The following TECRL variants were observed in gnomAD, a reference collection of about 807,000 sequenced individuals.
The protein encoded by TECRL is trans-2,3-enoyl-CoA reductase like.
In TECRL, 63 loss-of-function variants were observed where a neutral mutation model predicts 52.8. That is an observed-to-expected ratio of 1.19 (90% CI 0.97 to 1.47). TECRL has a LOEUF of 1.47. Among genes scored for constraint, TECRL ranks in the 40% most tolerant of loss-of-function variants. The probability of loss-of-function intolerance (pLI) is 0.00; values close to 1 mark genes in which losing one functional copy is unlikely to be tolerated. For synonymous variants in TECRL, 164 were observed against 141.9 expected (o/e 1.16, Z -1.10); for missense variants, 482 against 429.6 (o/e 1.12, Z -1.08).
intron 1 of TECRL, among the ~76,000 whole-genome samples, chr4:64,398,580 C>T (rs1481837567): frequency 6.6e-6 from 1 of 152,132 alleles, no homozygotes; most frequent in African/African-American, 2.4e-5. Flanking sequence ...AGGTGCCATG[C>T]CACTATACTT....
At chr4:64,337,286 A>C (rs905965981) in intron 2 of TECRL, among the ~76,000 whole-genome samples, 3 of 152,166 alleles carry the variant, frequency 2.0e-5, no homozygotes, top group African/African-American at 7.2e-5. Context: ...TCAAAATAAT[A>C]AGAGCTATTT....
intron 2 of TECRL, among the ~76,000 whole-genome samples, chr4:64,359,775 T>C (rs2109608329): frequency 6.6e-6 from 1 of 152,170 alleles, no homozygotes; most frequent in Middle Eastern, 3.4e-3. Context: ...ATATATCACA[T>C]AGGTAAATAG....
intron 1 of TECRL, among the ~76,000 whole-genome samples, chr4:64,407,472 G>A (rs35675286): frequency 0.022 from 3,286 of 148,114 alleles, 38 homozygotes; most frequent in Non-Finnish European, 0.034. Context: ...CAAATAATTA[G>A]GAACTAATTG....
chr4:64,321,666 T>C (rs1486597469), intron 4 of TECRL, among the ~76,000 whole-genome samples: 1 of 152,206 alleles, frequency 6.6e-6, no homozygotes, highest in East Asian at 1.9e-4. Flanking sequence ...AGTGTTTCAA[T>C]ACTGTGCACT....
At chr4:64,373,552 AT>A (rs1338552536) in intron 2 of TECRL, among the ~76,000 whole-genome samples, 13 of 151,136 alleles carry the variant, frequency 8.6e-5, no homozygotes, top group African/African-American at 1.2e-4. Flanking sequence ...GTTGACATAA[AT>A]TATTATAAAA....
chr4:64,325,086 C>A (rs1332228926), intron 3 of TECRL, among the ~76,000 whole-genome samples: 2 of 152,166 alleles, frequency 1.3e-5, no homozygotes, highest in Non-Finnish European at 2.9e-5. Flanking sequence ...ATTCACTGTG[C>A]TATTGCTGGC....
At chr4:64,299,116 G>C (rs932586546) in intron 8 of TECRL, 4 of 150,948 alleles carry the variant, frequency 2.6e-5, no homozygotes, top group African/African-American at 9.7e-5. Flanking sequence ...CAAAAAAAAA[G>C]ATCTCTCCTT....
intron 5 of TECRL, among the ~76,000 whole-genome samples, chr4:64,313,286 A>C (rs1203936071): frequency 6.6e-6 from 1 of 152,130 alleles, no homozygotes; most frequent in Non-Finnish European, 1.5e-5. Flanking sequence ...TTAATGCATA[A>C]AATTTGTTCA....
chr4:64,370,306 G>A (rs1033200811), intron 2 of TECRL, among the ~76,000 whole-genome samples: 3 of 151,598 alleles, frequency 2.0e-5, no homozygotes, highest in Non-Finnish European at 3.0e-5. Flanking sequence ...GTAGGTTTTA[G>A]AAATAGATTC....
At chr4:64,373,932 A>C (rs149888413) in intron 2 of TECRL, among the ~76,000 whole-genome samples, 2,196 of 147,652 alleles carry the variant, frequency 0.015, 69 homozygotes, top group African/African-American at 0.052. Context: ...TACTATATAC[A>C]CTATATATAT....
chr4:64,390,609 T>C (rs1056305826), intron 1 of TECRL, among the ~76,000 whole-genome samples: 28 of 151,844 alleles, frequency 1.8e-4, no homozygotes, highest in African/African-American at 6.8e-4. Flanking sequence ...ACTTTTGTTA[T>C]TGTACATTAT....
intron 1 of TECRL, among the ~76,000 whole-genome samples, chr4:64,401,070 G>A (rs780370417): frequency 5.9e-5 from 9 of 152,110 alleles, no homozygotes; most frequent in Non-Finnish European, 1.2e-4. Flanking sequence ...TCTTGAACAA[G>A]CTCACACAAG....
intron 1 of TECRL, among the ~76,000 whole-genome samples, chr4:64,388,429 T>C (rs1288948166): frequency 6.6e-6 from 1 of 151,932 alleles, no homozygotes; most frequent in Non-Finnish European, 1.5e-5. Context: ...GCTATAGCTA[T>C]AGAGGAATCC....
chr4:64,308,865 G>A (rs1200028215), intron 6 of TECRL, among the ~76,000 whole-genome samples: 1 of 152,128 alleles, frequency 6.6e-6, no homozygotes, highest in Non-Finnish European at 1.5e-5. Context: ...AAAATTTGGT[G>A]AGAATTATTT....
At chr4:64,309,781 A>G (rs752625274) in intron 6 of TECRL, 45 bp downstream of exon 6, 4 of 1,259,626 alleles carry the variant, frequency 3.2e-6, no homozygotes, top group Non-Finnish European at 4.6e-6. Context: ...AGGATCCAAC[A>G]TATAAAATGT....
chr4:64,407,192 TA>T (rs767203147), intron 1 of TECRL, among the ~76,000 whole-genome samples: 1 of 151,962 alleles, frequency 6.6e-6, no homozygotes, highest in Non-Finnish European at 1.5e-5. Flanking sequence ...AATAAAGGAT[TA>T]TGAGCTATCC....
At chr4:64,350,682 TGAA>T (rs1720324814) in intron 2 of TECRL, among the ~76,000 whole-genome samples, 1 of 151,954 alleles carries the variant, frequency 6.6e-6, no homozygotes, top group Admixed American at 6.5e-5. Flanking sequence ...TGATCTCCTT[TGAA>T]GAAGAAGAAA....
At chr4:64,372,165 A>C (rs1560537033) in intron 2 of TECRL, among the ~76,000 whole-genome samples, 1 of 151,896 alleles carries the variant, frequency 6.6e-6, no homozygotes, top group East Asian at 1.9e-4. Context: ...AAATTTCTTA[A>C]GCTCTCTAGA....
intron 1 of TECRL, among the ~76,000 whole-genome samples, chr4:64,400,751 A>G (rs1453169067): frequency 6.6e-6 from 1 of 152,030 alleles, no homozygotes; most frequent in African/African-American, 2.4e-5. Flanking sequence ...TGCTTTGGTC[A>G]TGGGAAGTGC....
Sources: allele counts gnomAD v4.1 joint callset (sites outside exome capture counted in the v4.1 genomes callset), GRCh38; gene constraint gnomAD v4.1.1; transcripts MANE v1.5; gene names NCBI Gene and HGNC (gene_info 2026-07-23, HGNC 2026-07-21).